INHBA: variants seen among roughly 807,000 people sequenced by gnomAD.
INHBA encodes the protein inhibin beta A chain.
Under a neutral mutation model 29.0 loss-of-function variants are expected in INHBA, and 1 was observed. The ratio of observed to expected loss-of-function variants is 0.03; its 90% CI spans 0.01 to 0.16. INHBA has a LOEUF of 0.16. Ranked by LOEUF, INHBA falls within the 10% of genes least tolerant of loss-of-function variation. The pLI is 1.00. For synonymous variants in INHBA, 242 were observed against 216.8 expected, an observed-to-expected ratio of 1.12 and a Z score of -1.02; for missense variants, 376 against 545.4, an observed-to-expected ratio of 0.69 and a Z score of 3.09.
chr7:41,697,579 C>A (rs947260335), intron 2 of INHBA, among the ~76,000 whole-genome samples: 5 of 152,184 alleles, frequency 3.3e-5, no homozygotes, highest in Admixed American at 3.3e-4. Context: ...GGGTCTGCAT[C>A]TGTGGCATGC....
At position 41,697,648 on chromosome 7, in the gene INHBA, A is replaced by G. The variant is rs542664572; in HGVS notation, c.388+2339T>C. Among the ~76,000 whole-genome samples, 5 of 152,360 alleles carry G rather than the reference A, an allele frequency of 3.3e-5. No individual in the cohort carries two copies. The South Asian group carries it at 1.0e-3, about 32-fold the overall frequency. The stretch of plus-strand genomic sequence containing the variant: ...CAAAATGGTTATAAGGGAAAGAAAA[A>G]TGCATTCCTTTTTCTATTCTCCAAA... On this transcript the variant is annotated intron_variant, in intron 2 of 2. Transcript: ENST00000242208.
In INHBA at chr7:41,689,067, A is replaced by C; in HGVS notation, c.*583T>G. ...ACCACCTGCACACGATTGTTCTTTT[A>C]CCAGTATGTGTATATATGTAATGTG... On this transcript the variant is annotated 3_prime_UTR_variant, in exon 3 of 3. Coordinates refer to ENST00000242208, the MANE Select transcript of INHBA (RefSeq NM_002192.4). The C allele has an allele frequency of 8.6e-6, 2 of 232,722 alleles. No individual in the cohort carries two copies. Among genetic ancestry groups the C allele is most frequent in the East Asian group, 1.2e-4 (2 of 16,548 alleles). The allele number at this position is 232,722 out of a possible 1,614,324, so 14.4% of individuals were successfully genotyped here.
chr7:41,695,902 GT>G (rs1438403345), intron 2 of INHBA, among the ~76,000 whole-genome samples: 2 of 152,158 alleles, frequency 1.3e-5, no homozygotes, highest in African/African-American at 2.4e-5. Flanking sequence ...AGACAAATAT[GT>G]GTTTTCAAGA....
chr7:41,698,348 G>A (rs2282921), intron 2 of INHBA, among the ~76,000 whole-genome samples: 9,485 of 152,200 alleles, frequency 0.062, 339 homozygotes, highest in East Asian at 0.16. Flanking sequence ...AACTGGATAC[G>A]AGCTGTCATT....
chr7:41,685,243 C>A lies in INHBA; in HGVS notation c.*4407G>T, dbSNP rs1445172647. On this transcript the variant is annotated 3_prime_UTR_variant, in exon 3 of 3. Transcript: ENST00000242208. ...AAACACCAAAATATCCGCTGGAATGCCATAGAAATAAATAACTTCTGCTAT... is the reference window on the plus strand; with the variant it reads ...AAACACCAAAATATCCGCTGGAATGACATAGAAATAAATAACTTCTGCTAT... 2 of 151,980 alleles carry A rather than the reference C, an allele frequency of 1.3e-5. No individual in the cohort carries two copies. Among genetic ancestry groups the A allele is most frequent in the Non-Finnish European group, 2.9e-5 (2 of 67,972 alleles). 9.4% of individuals were successfully genotyped at this position (151,980 alleles called of 1,614,324 possible).
In INHBA at chr7:41,690,229, G is replaced by T; in HGVS notation, c.702C>A (p.Gly234=). ...SSSIQRLLDQ[G]KSSLDVRIAC... Reference sequence around the variant, plus strand: ...CAATCCGAACGTCCAGGGAGCTCTTGCCCTGGTCCAGCAACCGCTGGATGC... The same window carrying T: ...CAATCCGAACGTCCAGGGAGCTCTTTCCCTGGTCCAGCAACCGCTGGATGC... The change falls in exon 3 of 3, where the codon GGC becomes GGA. Residue 234 remains glycine, a synonymous_variant. Transcript: ENST00000242208. 1 of 1,613,998 alleles carries T rather than the reference G, an allele frequency of 6.2e-7. No homozygotes were observed.
chr7:41,698,116 A>T (rs968405388), intron 2 of INHBA, among the ~76,000 whole-genome samples: 3 of 152,174 alleles, frequency 2.0e-5, no homozygotes, highest in African/African-American at 7.2e-5. Flanking sequence ...AAATGACAAG[A>T]TCTCATACAA....
Position 41,686,752 on chromosome 7 carries a change from T to TA in INHBA, c.*2897dup, listed in dbSNP as rs1170851263. On this transcript the variant is annotated 3_prime_UTR_variant, in exon 3 of 3. Coordinates refer to ENST00000242208, the MANE Select transcript of INHBA (RefSeq NM_002192.4). ...TAATCAACCCCCATGTTATCCCCGA[T>TA]ATGTCTAGGACTTAGCTTAAAAAGA... 1 of 152,194 alleles carries TA rather than the reference T, an allele frequency of 6.6e-6. No homozygotes were observed. Among genetic ancestry groups the TA allele is most frequent in the Non-Finnish European group, 1.5e-5 (1 of 68,024 alleles). 9.4% of individuals were successfully genotyped at this position (152,194 alleles called of 1,614,324 possible).
rs1794457392 is a variant in INHBA, at chr7:41,689,641, T to TG, written c.*8dup. ...ACTCTTGCTCCCTTTCCCCCTGGGCTGGGCAACTCTATGAGCACCCACACT... is the reference window on the plus strand; with the variant it reads ...ACTCTTGCTCCCTTTCCCCCTGGGCTGGGGCAACTCTATGAGCACCCACACT... On this transcript the variant is annotated 3_prime_UTR_variant, in exon 3 of 3. Coordinates refer to ENST00000242208, the MANE Select transcript of INHBA (RefSeq NM_002192.4). The TG allele has an allele frequency of 6.5e-7, 1 of 1,546,444 alleles. No individual in the cohort carries two copies. Among genetic ancestry groups the TG allele is most frequent in the Non-Finnish European group, 8.7e-7 (1 of 1,146,794 alleles).
Position 41,689,134 on chromosome 7 carries a change from G to GTGTA in INHBA, c.*512_*515dup, listed in dbSNP as rs1554285975. The GTGTA allele has an allele frequency of 3.9e-5, 9 of 232,108 alleles. No individual in the cohort carries two copies. Among genetic ancestry groups the GTGTA allele is most frequent in the Admixed American group, 2.8e-4 (5 of 17,656 alleles). The allele number at this position is 232,108 out of a possible 1,614,324, so 14.4% of individuals were successfully genotyped here. Reference sequence around the variant, plus strand: ...TGTGTGTGTGTGTGTGTGTGTGTGTGTGTATGCTGATATACACAGAGATAA... The same window carrying GTGTA: ...TGTGTGTGTGTGTGTGTGTGTGTGTGTGTATGTATGCTGATATACACAGAGATAA... On this transcript the variant is annotated 3_prime_UTR_variant, in exon 3 of 3. Coordinates refer to ENST00000242208, the MANE Select transcript of INHBA (RefSeq NM_002192.4).
chr7:41,690,021 G>GACCACC lies in INHBA; in HGVS notation c.909_910insGGTGGT (p.His303_Pro304insGlyGly). On this transcript the variant is annotated inframe_insertion, in exon 3 of 3. Transcript: ENST00000242208. The stretch of plus-strand genomic sequence containing the variant: ...AAGCCCCGCCGACGCCGGCGATGAG[G>GACCACC]GTGGTCTTCAGACTGCCGGGCCTGC... 1.2e-6 allele frequency: 2 copies of GACCACC among 1,614,074 alleles called. No homozygotes were observed. Among genetic ancestry groups the GACCACC allele is most frequent in the Non-Finnish European group, 1.7e-6 (2 of 1,180,026 alleles).
chr7:41,702,793 G>T (rs1794824374), intron 1 of INHBA, among the ~76,000 whole-genome samples: 2 of 152,208 alleles, frequency 1.3e-5, no homozygotes, highest in African/African-American at 4.8e-5. Context: ...TTTGGCATAT[G>T]TACTTGTATA....
chr7:41,700,840 GAAGA>G (rs1184942000), intron 1 of INHBA, among the ~76,000 whole-genome samples: 1 of 32,422 alleles, frequency 3.1e-5, no homozygotes, highest in Non-Finnish European at 5.6e-5. Flanking sequence ...AGAGGGAAAG[GAAGA>G]GAGAGAGAGA....
chr7:41,689,325 A>G lies in INHBA; in HGVS notation c.*325T>C, dbSNP rs974192572. Reference sequence around the variant, plus strand: ...GCTCACAAGGGAACCTCAAGGGGGGAAAGGACAATACCCCGTTTAAACAAC... The same window carrying G: ...GCTCACAAGGGAACCTCAAGGGGGGGAAGGACAATACCCCGTTTAAACAAC... On this transcript the variant is annotated 3_prime_UTR_variant, in exon 3 of 3. Coordinates refer to ENST00000242208, the MANE Select transcript of INHBA (RefSeq NM_002192.4). The G allele has an allele frequency of 2.7e-4, 78 of 285,324 alleles. No homozygotes were observed. Among genetic ancestry groups the G allele is most frequent in the Admixed American group, 1.4e-3 (27 of 19,964 alleles). 17.7% of individuals were successfully genotyped at this position (285,324 alleles called of 1,614,324 possible).
intron 2 of INHBA, among the ~76,000 whole-genome samples, 169 bp downstream of exon 2, chr7:41,699,818 C>CGG (rs1794731698): frequency 1.3e-5 from 2 of 152,114 alleles, no homozygotes; most frequent in Non-Finnish European, 2.9e-5. Flanking sequence ...CTCCCCCTCC[C>CGG]CTGCCTGCCC....
chr7:41,700,282 C>T lies in INHBA; in HGVS notation c.93G>A (p.Ala31=), dbSNP rs145503621. The change falls in exon 2 of 3, where the codon GCG becomes GCA. Residue 31 remains alanine (A), a synonymous_variant. Coordinates refer to ENST00000242208, the MANE Select transcript of INHBA (RefSeq NM_002192.4). ...SPTPGSEGHS[A]APDCPSCALA... is the part of the protein sequence containing the mutation. ...GCGCACAGGACGGACAGTCGGGGGCCGCGCTGTGCCCCTCGGATCCTGGGG... is the reference window on the plus strand; with the variant it reads ...GCGCACAGGACGGACAGTCGGGGGCTGCGCTGTGCCCCTCGGATCCTGGGG... 26 of 1,595,068 alleles carry T rather than the reference C, an allele frequency of 1.6e-5. No homozygotes were observed. The African/African-American group carries it at 2.4e-4, about 15-fold the overall frequency.
Position 41,690,190 on chromosome 7 carries a change from G to C in INHBA, c.741C>G (p.Cys247Trp). The change falls in exon 3 of 3, where the codon TGC becomes TGG. Residue 247 changes from cysteine (C) to tryptophan (W), a missense_variant. Around this residue, in one of 4 missense-constraint regions of INHBA, gnomAD observed 253 missense variants for 313.4 expected, o/e 0.81. Coordinates refer to ENST00000242208, the MANE Select transcript of INHBA (RefSeq NM_002192.4). ...GAACCAAGCTGGCGCCACTCTCCTG[G>C]CACTGCTCACAGGCAATCCGAACGT... ...SLDVRIACEQ[C>W]QESGASLVLL... The C allele has an allele frequency of 6.2e-7, 1 of 1,613,730 alleles. No individual in the cohort carries two copies. The highest frequency in any genetic ancestry group is 8.5e-7 in the Non-Finnish European group (1 of 1,179,982).
In INHBA at chr7:41,689,459, T is replaced by G. The variant is rs1794450603; in HGVS notation, c.*191A>C. On this transcript the variant is annotated 3_prime_UTR_variant, in exon 3 of 3. Transcript: ENST00000242208. The stretch of plus-strand genomic sequence containing the variant: ...CATCTCTGAGCCCTGGCTAAGGATT[T>G]TTTCCACATCTTCCTTCATCTGTTT... 3 of 549,402 alleles carry G rather than the reference T, an allele frequency of 5.5e-6. No homozygotes were observed. The highest frequency in any genetic ancestry group is 9.0e-6 in the Non-Finnish European group (3 of 332,238). 34.0% of individuals were successfully genotyped at this position (549,402 alleles called of 1,614,324 possible). A position where few individuals can be genotyped will look rare whatever the true frequency, so the allele number is the denominator to read the frequency against.
chr7:41,700,472 T>TTTA lies in INHBA; in HGVS notation c.-99_-98insTAA. The TTTA allele has an allele frequency of 8.2e-7, 1 of 1,215,900 alleles. No homozygotes were observed. 75.3% of individuals were successfully genotyped at this position (1,215,900 alleles called of 1,614,324 possible). ...TTTTGTGTGTGTGGATTTTTTTATT[T>TTTA]TTTTTTTTGGTGTTTTTTTTTTCCT... On this transcript the variant is annotated 5_prime_UTR_variant, in exon 2 of 3. Coordinates refer to ENST00000242208, the MANE Select transcript of INHBA (RefSeq NM_002192.4).
Sources: gnomAD v4.1 joint callset for allele counts (sites outside exome capture counted in the v4.1 genomes callset) on GRCh38, gnomAD v4.1.1 for gene constraint, gnomAD v4.1.1 regional missense constraint, MANE v1.5 for transcripts, NCBI Gene and HGNC (gene_info 2026-07-23, HGNC 2026-07-21) for gene names.